Variants in IL5RA observed in about 807,000 individuals in gnomAD.
IL5RA encodes the protein interleukin-5 receptor subunit alpha.
IL5RA carries 49 observed loss-of-function variants against 50.0 expected under a neutral mutation model. The ratio of observed to expected loss-of-function variants is 0.98; its 90% CI spans 0.78 to 1.24. The LOEUF is 1.24. IL5RA is among the 50% of genes most tolerant of loss of function. IL5RA has a pLI of 0.00. For missense variants in IL5RA, 600 were observed against 500.4 expected, an observed-to-expected ratio of 1.20 and a Z score of -1.90; for synonymous variants, 202 against 174.0, an observed-to-expected ratio of 1.16 and a Z score of -1.26.
intron 9 of IL5RA, among the ~76,000 whole-genome samples, chr3:3,090,659 C>T (rs367971550): frequency 6.6e-5 from 10 of 151,040 alleles, no homozygotes; most frequent in South Asian, 4.2e-4. Context: ...CTCCGCCTCC[C>T]GGGTTCACGC....
chr3:3,097,016 T>C (rs767378764), intron 7 of IL5RA, among the ~76,000 whole-genome samples: 1 of 152,166 alleles, frequency 6.6e-6, no homozygotes, highest in Non-Finnish European at 1.5e-5. Flanking sequence ...CAGCCAGTGG[T>C]GGAGCCAGGA....
chr3:3,093,421 C>T (rs17882233), intron 8 of IL5RA, among the ~76,000 whole-genome samples: 2,121 of 152,276 alleles, frequency 0.014, 49 homozygotes, highest in African/African-American at 0.049. Flanking sequence ...CCATGATATC[C>T]AAACACATGA....
chr3:3,099,658 T>TTATTA (rs1553752867), intron 5 of IL5RA, among the ~76,000 whole-genome samples: 3 of 144,280 alleles, frequency 2.1e-5, no homozygotes, highest in African/African-American at 7.7e-5. Context: ...TTTTATTTTA[T>TTATTA]TTATTATTAT....
intron 4 of IL5RA, among the ~76,000 whole-genome samples, chr3:3,102,093 G>A (rs1484338727): frequency 1.3e-5 from 2 of 152,140 alleles, no homozygotes; most frequent in African/African-American, 4.8e-5. Flanking sequence ...TCTCCCCAGA[G>A]GTCAATGTCG....
At position 3,077,103 on chromosome 3, in the gene IL5RA, AAT is replaced by A. The variant is rs547630574; in HGVS notation, c.995-478_995-477del. On this transcript the variant is annotated intron_variant, in intron 9 of 11. Coordinates refer to ENST00000446632, the MANE Select transcript of IL5RA (RefSeq NM_175726.4). ...GTATGAGATAATACTTGTAGTGAAC[AAT>A]AAAGGCATCAGACTCCAAGTGCTTT... 1.1e-3 allele frequency among the ~76,000 whole-genome samples: 173 copies of A among 152,360 alleles called. 1 individual carries two copies. The highest frequency in any genetic ancestry group is 2.2e-3 in the Non-Finnish European group (149 of 68,028).
intron 9 of IL5RA, among the ~76,000 whole-genome samples, chr3:3,087,516 C>T (rs1360832371): frequency 1.3e-5 from 2 of 152,186 alleles, no homozygotes; most frequent in Non-Finnish European, 2.9e-5. Context: ...TTCTAATTCA[C>T]TGATTGGCTC....
Position 3,074,865 on chromosome 3 carries a change from A to G in IL5RA, c.1093T>C (p.Cys365Arg). The G allele has an allele frequency of 4.4e-6, 7 of 1,590,138 alleles. No individual in the cohort carries two copies. Among genetic ancestry groups the G allele is most frequent in the Non-Finnish European group, 6.0e-6 (7 of 1,158,246 alleles). The change falls in exon 11 of 12, where the codon TGT becomes CGT. Residue 365 changes from cysteine to arginine, a missense_variant and splice_region_variant. Cys to Arg is a radical substitution (Grantham distance 180). Coordinates refer to ENST00000446632, the MANE Select transcript of IL5RA (RefSeq NM_175726.4). ...LLILSLICKI[C>R]HLWIKLFPPI... ...GGAAACAACTTGATCCATAAATGAC[A>G]TCTGAAAACAGAGTAAAGAAGGAAT...
chr3:3,073,866 G>C, intron 11 of IL5RA: 1 of 432,482 alleles, frequency 2.3e-6, no homozygotes, highest in Non-Finnish European at 4.6e-6. Context: ...ATCACTTTTG[G>C]AGGCCTTCCA....
intron 9 of IL5RA, among the ~76,000 whole-genome samples, chr3:3,078,929 C>T (rs572056483): frequency 6.6e-6 from 1 of 152,044 alleles, no homozygotes; most frequent in Admixed American, 6.5e-5. Context: ...TCCTCCTAGT[C>T]TAATTCAAAA....
At chr3:3,088,450 T>A (rs1198416606) in intron 9 of IL5RA, among the ~76,000 whole-genome samples, 2 of 152,224 alleles carry the variant, frequency 1.3e-5, no homozygotes, top group African/African-American at 4.8e-5. Flanking sequence ...AATCTAAATT[T>A]AGCCTCAGAA....
intron 9 of IL5RA, chr3:3,090,072 A>G (rs1276715504): frequency 6.5e-6 from 5 of 772,848 alleles, no homozygotes; most frequent in Admixed American, 2.6e-5. Context: ...AACAGAGTTA[A>G]GCCAATTACC....
At chr3:3,102,856 T>G (rs1228535354) in intron 3 of IL5RA, 36 bp from the exon 4 acceptor site, 1 of 1,574,832 alleles carries the variant, frequency 6.3e-7, no homozygotes, top group African/African-American at 1.4e-5. Flanking sequence ...AACACAATGT[T>G]CAACTGGACA....
Position 3,104,954 on chromosome 3 carries a change from G to T in IL5RA, c.31C>A (p.Leu11Ile). 1.2e-6 allele frequency: 2 copies of T among 1,612,858 alleles called. No homozygotes were observed. Among genetic ancestry groups the T allele is most frequent in the Non-Finnish European group, 1.7e-6 (2 of 1,179,082 alleles). The stretch of plus-strand genomic sequence containing the variant: ...TGCAGTATCTCAGTGGCCCCCAAAA[G>T]GATGAGTAATACATGCGCCACGATG... Reference protein sequence around the residue: MIIVAHVLLILLGATEILQAD... With the variant: MIIVAHVLLIILGATEILQAD... The change falls in exon 3 of 12, where the codon CTT (leucine) becomes ATT (isoleucine). Residue 11 changes from leucine to isoleucine, a missense_variant. Physicochemically the swap from Leu to Ile is conservative, Grantham distance 5 (BLOSUM62 2). Coordinates refer to ENST00000446632, the MANE Select transcript of IL5RA (RefSeq NM_175726.4).
At chr3:3,085,938 CTGAAAATTG>C (rs1702841310) in intron 9 of IL5RA, among the ~76,000 whole-genome samples, 5 of 148,080 alleles carry the variant, frequency 3.4e-5, no homozygotes, top group African/African-American at 1.3e-4. Context: ...AATGAGTGAT[CTGAAAATTG>C]CTGTGACCTC....
At chr3:3,074,373 A>G (rs1234204726) in intron 11 of IL5RA, among the ~76,000 whole-genome samples, 1 of 152,242 alleles carries the variant, frequency 6.6e-6, no homozygotes, top group Non-Finnish European at 1.5e-5. Flanking sequence ...AAGTCAGTTA[A>G]GGCATGGCTG....
At chr3:3,108,402 T>TGCCA (rs2125989210) in intron 2 of IL5RA, 148 bp downstream of exon 2, 1 of 152,344 alleles carries the variant, frequency 6.6e-6, no homozygotes, top group Non-Finnish European at 1.5e-5. Flanking sequence ...TAAAACTCTC[T>TGCCA]GTCAGTCCAA....
At chr3:3,071,286 T>G (rs1429901401) in intron 11 of IL5RA, among the ~76,000 whole-genome samples, 1 of 152,130 alleles carries the variant, frequency 6.6e-6, no homozygotes, top group Non-Finnish European at 1.5e-5. Context: ...AACCCTCTCT[T>G]GGCCATTGTA....
chr3:3,105,062 T>A, intron 2 of IL5RA, 75 bp from the exon 3 acceptor site: 1 of 945,304 alleles, frequency 1.1e-6, no homozygotes. Flanking sequence ...CTTTCTAACA[T>A]AAAATGCAGT....
intron 9 of IL5RA, among the ~76,000 whole-genome samples, chr3:3,077,019 A>G (rs1702509352): frequency 6.6e-6 from 1 of 152,226 alleles, no homozygotes; most frequent in African/African-American, 2.4e-5. Flanking sequence ...CTATTGAGTA[A>G]CCCAATGGCA....
Sources: allele counts gnomAD v4.1 joint callset (sites outside exome capture counted in the v4.1 genomes callset), GRCh38; gene constraint gnomAD v4.1.1; transcripts MANE v1.5; gene names NCBI Gene and HGNC (gene_info 2026-07-23, HGNC 2026-07-21).